The following PRRC2C variants were observed in gnomAD, a reference collection of about 807,000 sequenced individuals.
PRRC2C encodes the protein protein PRRC2C.
PRRC2C carries 72 observed loss-of-function variants against 317.2 expected under a neutral mutation model. The ratio of observed to expected loss-of-function variants is 0.23; its 90% CI spans 0.19 to 0.28. The LOEUF (loss-of-function observed/expected upper bound fraction) is 0.28, where lower values mean the gene tolerates loss of function less well. Ranked by LOEUF, PRRC2C falls within the 10% of genes least tolerant of loss-of-function variation. PRRC2C has a pLI of 1.00. For synonymous variants in PRRC2C, 1,296 were observed against 1,205.9 expected (o/e 1.07, Z -1.55); for missense variants, 3,074 against 3,459.7 (o/e 0.89, Z 2.80).
Position 171,512,981 on chromosome 1 carries a change from T to TTA in PRRC2C, c.113-12_113-11dup. On this transcript the variant is annotated splice_polypyrimidine_tract_variant and intron_variant, in intron 2 of 34. Transcript: ENST00000647382. ...AATAGATGTTCTAAGAAAGTTGATGTTATTGATCTTTAGTTGCAGCTCGAC... is the reference window on the plus strand; with the variant it reads ...AATAGATGTTCTAAGAAAGTTGATGTTATATTGATCTTTAGTTGCAGCTCGAC... 1 of 1,590,956 alleles carries TTA rather than the reference T, an allele frequency of 6.3e-7. No individual in the cohort carries two copies. Among genetic ancestry groups the TTA allele is most frequent in the East Asian group, 2.2e-5 (1 of 44,470 alleles).
chr1:171,524,769 T>G, intron 9 of PRRC2C, 52 bp from the exon 10 acceptor site: 1 of 1,482,828 alleles, frequency 6.7e-7, no homozygotes, highest in Non-Finnish European at 9.0e-7. Flanking sequence ...ATAATGTGTG[T>G]ACTTATGATA....
In PRRC2C at chr1:171,524,924, G is replaced by A. The variant is rs180728082; in HGVS notation, c.1159G>A (p.Val387Ile). The A allele has an allele frequency of 1.2e-6, 2 of 1,611,040 alleles. No homozygotes were observed. The highest frequency in any genetic ancestry group is 1.7e-6 in the Non-Finnish European group (2 of 1,178,456). The change falls in exon 10 of 35, where the codon GTA (valine) becomes ATA (isoleucine). Residue 387 changes from valine to isoleucine, a missense_variant. Physicochemically the swap from Val to Ile is conservative, Grantham distance 29 (BLOSUM62 3). Coordinates refer to ENST00000647382, the MANE Select transcript of PRRC2C (RefSeq NM_001387844.1). ...SSSQIPAQPS[V>I]AKVPYGKGPS... The stretch of plus-strand genomic sequence containing the variant: ...TTCCCAAATACCTGCCCAACCATCA[G>A]TAGCAAAAGTTCCCTATGGGAAAGG...
In PRRC2C at chr1:171,583,461, A is replaced by G. The variant is rs935327873; in HGVS notation, c.7410-495A>G. 5.9e-5 allele frequency among the ~76,000 whole-genome samples: 9 copies of G among 152,262 alleles called. No homozygotes were observed. The East Asian group carries it at 1.5e-3, about 26-fold the overall frequency. ...GAGGTCTTCAGGGGCAGTAACACATACAGAGCTGTCATGTCCTATGATAAC... is the reference window on the plus strand; with the variant it reads ...GAGGTCTTCAGGGGCAGTAACACATGCAGAGCTGTCATGTCCTATGATAAC... On this transcript the variant is annotated intron_variant, in intron 28 of 34. Coordinates refer to ENST00000647382, the MANE Select transcript of PRRC2C (RefSeq NM_001387844.1).
intron 22 of PRRC2C, 61 bp from the exon 23 acceptor site, chr1:171,568,186 A>G (rs1684041842): frequency 4.7e-6 from 7 of 1,504,684 alleles, no homozygotes; most frequent in Non-Finnish European, 6.2e-6. Flanking sequence ...CAAAAAAAAG[A>G]GGAAGAAGTG....
intron 1 of PRRC2C, among the ~76,000 whole-genome samples, chr1:171,490,992 C>G (rs1421726463): frequency 6.6e-6 from 1 of 152,092 alleles, no homozygotes; most frequent in Non-Finnish European, 1.5e-5. Context: ...TCTCAGAGGA[C>G]TATTGCAAAG....
chr1:171,588,855 T>C (rs2102893289), intron 33 of PRRC2C, among the ~76,000 whole-genome samples: 1 of 152,356 alleles, frequency 6.6e-6, no homozygotes, highest in Non-Finnish European at 1.5e-5. Context: ...GTTGTTAAGA[T>C]ATTTATGTGC....
At chr1:171,509,096 AG>A (rs1472755636) in intron 1 of PRRC2C, among the ~76,000 whole-genome samples, 1 of 152,032 alleles carries the variant, frequency 6.6e-6, no homozygotes, top group Non-Finnish European at 1.5e-5. Context: ...CGTGTTAGCC[AG>A]GATGGTCTCG....
Position 171,541,828 on chromosome 1 carries a change from G to A in PRRC2C, c.4362G>A (p.Val1454=). 1 of 1,613,848 alleles carries A rather than the reference G, an allele frequency of 6.2e-7. No homozygotes were observed. Among genetic ancestry groups the A allele is most frequent in the Non-Finnish European group, 8.5e-7 (1 of 1,179,866 alleles). ...EREAASKSNE[V]VAVPTNGTVN... The stretch of plus-strand genomic sequence containing the variant: ...AGGCTGCTTCAAAATCAAATGAGGT[G>A]GTAGCAGTGCCCACAAATGGCACAG... The change falls in exon 16 of 35, where the codon GTG becomes GTA. Residue 1454 remains valine (V), a synonymous_variant. Transcript: ENST00000647382. This position sits in a 1 kb window ranked among gnomAD's most constrained non-coding sequence, Gnocchi z 4.1.
chr1:171,522,890 A>G (rs987369633), intron 7 of PRRC2C, among the ~76,000 whole-genome samples: 44 of 140,208 alleles, frequency 3.1e-4, no homozygotes, highest in African/African-American at 1.0e-3. Context: ...TGCTTATTAT[A>G]TGAGACTTGA....
intron 15 of PRRC2C, 107 bp from the exon 16 acceptor site, chr1:171,539,864 A>G: frequency 4.2e-6 from 4 of 955,046 alleles, no homozygotes; most frequent in Non-Finnish European, 6.2e-6. Flanking sequence ...GATTCTCATT[A>G]TGGTTAAGAG....
Position 171,545,484 on chromosome 1 carries a change from T to C in PRRC2C, c.4769T>C (p.Phe1590Ser), listed in dbSNP as rs1557968980. ...PPSKSGKRGP[F>S]DDQPAGTTGV... ...CTCAAGTTATTTTTTTGTAGGCCAT[T>C]TGATGACCAGCCTGCAGGCACAACT... The change falls in exon 17 of 35, where the codon TTT becomes TCT. Residue 1590 changes from phenylalanine to serine, a missense_variant. Phe to Ser is a radical substitution (Grantham distance 155, BLOSUM62 -2). Transcript: ENST00000647382. The C allele has an allele frequency of 3.2e-6, 5 of 1,561,190 alleles. No individual in the cohort carries two copies. In the Admixed American group the frequency reaches 9.7e-5, roughly 30 times the overall value.
intron 1 of PRRC2C, among the ~76,000 whole-genome samples, chr1:171,493,227 A>G (rs1174702225): frequency 6.6e-6 from 1 of 152,206 alleles, no homozygotes; most frequent in Non-Finnish European, 1.5e-5. Context: ...TTTAAAGGCA[A>G]CCCTTTGGTC....
Position 171,550,377 on chromosome 1 carries a change from T to C in PRRC2C, c.5127+137T>C. On this transcript the variant is annotated intron_variant, in intron 18 of 34. Transcript: ENST00000647382. ...TTAAAAGTGACATCATCTTCCCAAC[T>C]TTTAATCATTTTGACCAGAATCAAA... The C allele has an allele frequency of 4.3e-6, 3 of 698,570 alleles. No individual in the cohort carries two copies. The East Asian group carries it at 9.3e-5, about 22-fold the overall frequency. 43.3% of individuals were successfully genotyped at this position (698,570 alleles called of 1,614,324 possible).
At chr1:171,523,667 C>T in intron 9 of PRRC2C, 145 bp downstream of exon 9, 1 of 719,462 alleles carries the variant, frequency 1.4e-6, no homozygotes, top group Non-Finnish European at 2.3e-6. Flanking sequence ...ATAGAGGGTG[C>T]TTAATGAGCT....
At chr1:171,512,685 C>CT in intron 2 of PRRC2C, 1 of 264,154 alleles carries the variant, frequency 3.8e-6, no homozygotes, top group Non-Finnish European at 7.2e-6. Context: ...CATTTATTCT[C>CT]TAACATTCTA....
intron 32 of PRRC2C, among the ~76,000 whole-genome samples, chr1:171,588,145 A>T (rs565882818): frequency 9.2e-5 from 14 of 151,996 alleles, no homozygotes; most frequent in African/African-American, 2.9e-4. Context: ...GCTAATTTTT[A>T]AAAAAATATT....
intron 25 of PRRC2C, among the ~76,000 whole-genome samples, chr1:171,577,094 T>C (rs969477882): frequency 3.1e-4 from 47 of 152,214 alleles, no homozygotes; most frequent in African/African-American, 1.1e-3. Context: ...AAGCTCTTGA[T>C]TATATATCCT....
At chr1:171,579,716 A>G in intron 27 of PRRC2C, 112 bp from the exon 28 acceptor site, 3 of 1,330,348 alleles carry the variant, frequency 2.3e-6, no homozygotes, top group Non-Finnish European at 3.0e-6. Context: ...TGGAGCTGAT[A>G]TATAGTATTA....
intron 16 of PRRC2C, among the ~76,000 whole-genome samples, chr1:171,542,536 T>C (rs1678137300): frequency 6.6e-6 from 1 of 152,234 alleles, no homozygotes. Flanking sequence ...AGTTATCTGA[T>C]GAGTAGCCCT....
Sources: allele counts gnomAD v4.1 joint callset (sites outside exome capture counted in the v4.1 genomes callset), GRCh38; gene constraint gnomAD v4.1.1; non-coding constraint Gnocchi (gnomAD v3.1); transcripts MANE v1.5; gene names NCBI Gene and HGNC (gene_info 2026-07-23, HGNC 2026-07-21).